Variants in NTRK3 observed in about 807,000 individuals in gnomAD.
NTRK3 encodes the protein neurotrophic receptor tyrosine kinase 3, also known as NT-3 growth factor receptor.
In NTRK3, 24 loss-of-function variants were observed where a neutral mutation model predicts 91.7. That is an observed-to-expected ratio of 0.26 (90% CI 0.19 to 0.37). The LOEUF (loss-of-function observed/expected upper bound fraction) is 0.37, where lower values mean the gene tolerates loss of function less well. Among genes scored for constraint, NTRK3 ranks in the 10% least tolerant of loss-of-function variants. NTRK3 has a pLI of 1.00. For synonymous variants in NTRK3, 483 were observed against 404.0 expected, an observed-to-expected ratio of 1.20 and a Z score of -2.34; for missense variants, 880 against 1,068.9, an observed-to-expected ratio of 0.82 and a Z score of 2.46.
intron 17 of NTRK3, among the ~76,000 whole-genome samples, chr15:87,924,331 A>T (rs907204585): frequency 6.6e-6 from 1 of 152,046 alleles, no homozygotes; most frequent in Non-Finnish European, 1.5e-5. Context: ...GCTTGTTCTA[A>T]ATGATTCCCA....
intron 3 of NTRK3, among the ~76,000 whole-genome samples, chr15:88,223,177 G>A (rs1008981426): frequency 1.3e-5 from 2 of 152,236 alleles, no homozygotes; most frequent in South Asian, 2.1e-4. Context: ...CCCAGCACAC[G>A]GCCCCCAGGG....
intron 13 of NTRK3, among the ~76,000 whole-genome samples, chr15:88,105,995 C>G (rs1567417057): frequency 6.6e-6 from 1 of 152,252 alleles, no homozygotes; most frequent in African/African-American, 2.4e-5. Flanking sequence ...CACCCGTAGT[C>G]ACTGCTTTCC....
intron 17 of NTRK3, among the ~76,000 whole-genome samples, chr15:87,923,840 C>T (rs777592252): frequency 2.2e-4 from 33 of 152,104 alleles, no homozygotes; most frequent in Middle Eastern, 3.4e-3. Flanking sequence ...ATCACAAGAG[C>T]GGGTTTACTA....
chr15:88,094,308 T>C (rs1031085037), intron 13 of NTRK3, among the ~76,000 whole-genome samples: 32 of 147,656 alleles, frequency 2.2e-4, no homozygotes, highest in African/African-American at 8.0e-4. Context: ...CTACTAAAAA[T>C]ACAAAAAAAA....
chr15:87,995,189 C>T (rs904613955), intron 14 of NTRK3, among the ~76,000 whole-genome samples: 61 of 152,174 alleles, frequency 4.0e-4, no homozygotes, highest in Non-Finnish European at 5.4e-4. Flanking sequence ...AGAGCACCTG[C>T]TCAGGTAGAC....
At chr15:88,113,428 G>T (rs2051668177) in intron 13 of NTRK3, among the ~76,000 whole-genome samples, 1 of 146,762 alleles carries the variant, frequency 6.8e-6, no homozygotes, top group African/African-American at 2.6e-5. Flanking sequence ...TGATTCTCCT[G>T]CCTCAGCCTC....
At chr15:88,137,646 C>T (rs537095927) in intron 6 of NTRK3, 85 bp from the exon 7 acceptor site, 21 of 1,429,042 alleles carry the variant, frequency 1.5e-5, no homozygotes, top group Middle Eastern at 1.8e-4. Flanking sequence ...AAGGGGGACC[C>T]GACCTGTTCA....
rs1304871954 is a variant in NTRK3 at position 88,206,068 on chromosome 15, G to C, written c.249-21769C>G. On this transcript the variant is annotated intron_variant, in intron 3 of 18. Coordinates refer to ENST00000394480, the Ensembl canonical transcript of NTRK3. ...TTAAAACTCTCCAGAGGCCGGGCGC[G>C]GTGGCTCACGCCTGTCATCCCAGCA... The C allele has an allele frequency of 1.3e-5, 2 of 152,312 alleles. 1 individual carries two copies. Among genetic ancestry groups the C allele is most frequent in the Admixed American group, 1.3e-4 (2 of 15,280 alleles). The allele number at this position is 152,312 out of a possible 1,614,324, so 9.4% of individuals were successfully genotyped here. A position where few individuals can be genotyped will look rare whatever the true frequency, so the allele number is the denominator to read the frequency against.
chr15:88,106,954 G>T (rs1310002474), intron 13 of NTRK3, among the ~76,000 whole-genome samples: 4 of 150,126 alleles, frequency 2.7e-5, no homozygotes, highest in Non-Finnish European at 5.9e-5. Context: ...AAAAAAAAAA[G>T]TATGGGAATA....
intron 3 of NTRK3, chr15:88,206,019 T>TAGA (rs1483476971): frequency 1.3e-5 from 2 of 152,210 alleles, no homozygotes; most frequent in African/African-American, 4.8e-5. Flanking sequence ...CCACAGCAGC[T>TAGA]AGAGATGCCT....
intron 13 of NTRK3, among the ~76,000 whole-genome samples, chr15:88,047,085 G>A (rs2080283177): frequency 6.6e-6 from 1 of 152,064 alleles, no homozygotes; most frequent in Non-Finnish European, 1.5e-5. Context: ...AGTCACACAG[G>A]GAAAAGCAAT....
intron 3 of NTRK3, among the ~76,000 whole-genome samples, chr15:88,236,955 C>T (rs575608019): frequency 2.0e-4 from 30 of 152,152 alleles, no homozygotes; most frequent in Non-Finnish European, 3.5e-4. Context: ...CACAGGCGTG[C>T]GCATCTGTCA....
Position 88,020,848 on chromosome 15 carries a change from C to G in NTRK3, c.1585+12009G>C, listed in dbSNP as rs866354780. Among the ~76,000 whole-genome samples, 52 of 152,180 alleles carry G rather than the reference C, an allele frequency of 3.4e-4. 1 individual carries two copies. The highest frequency in any genetic ancestry group is 1.0e-4 in the Non-Finnish European group (7 of 68,030). On this transcript the variant is annotated intron_variant, in intron 14 of 18. Transcript: ENST00000394480. ...CAGCTCATTCTCTCAGCCGCTAGAC[C>G]CTGCCTACTCCATGCCAAGACCATT...
chr15:88,062,079 A>C (rs1341600816), intron 13 of NTRK3, among the ~76,000 whole-genome samples: 1 of 152,240 alleles, frequency 6.6e-6, no homozygotes, highest in Non-Finnish European at 1.5e-5. Flanking sequence ...ACATTGTATT[A>C]AGTTTTATAC....
intron 14 of NTRK3, among the ~76,000 whole-genome samples, chr15:87,947,266 G>T (rs146962159): frequency 9.2e-5 from 14 of 152,154 alleles, no homozygotes; most frequent in Non-Finnish European, 2.1e-4. Context: ...ACTTGCCCAA[G>T]ATCCCCTAGC....
chr15:88,032,379 C>T (rs1187144292), intron 14 of NTRK3, among the ~76,000 whole-genome samples: 2 of 152,102 alleles, frequency 1.3e-5, no homozygotes, highest in African/African-American at 2.4e-5. Flanking sequence ...TCAGAAAGTG[C>T]ACACTTCGGG....
chr15:87,984,804 G>T (rs2074597990), intron 14 of NTRK3, among the ~76,000 whole-genome samples: 2 of 152,166 alleles, frequency 1.3e-5, no homozygotes, highest in Admixed American at 1.3e-4. Context: ...ACTGCACAGT[G>T]ATAACCCACT....
intron 17 of NTRK3, among the ~76,000 whole-genome samples, chr15:87,891,976 A>G (rs2065875960): frequency 6.6e-6 from 1 of 152,106 alleles, no homozygotes; most frequent in Non-Finnish European, 1.5e-5. Context: ...AGGCAAGGAT[A>G]GTTTTGAGGG....
chr15:87,910,260 G>A (rs553718362), intron 17 of NTRK3, among the ~76,000 whole-genome samples: 21 of 152,360 alleles, frequency 1.4e-4, no homozygotes, highest in Middle Eastern at 6.8e-3. Context: ...AGGTGTGTGC[G>A]TGGATTCAGG....
Sources: gnomAD v4.1 joint callset for allele counts (sites outside exome capture counted in the v4.1 genomes callset) on GRCh38, gnomAD v4.1.1 for gene constraint, MANE v1.5 for transcripts, NCBI Gene and HGNC (gene_info 2026-07-23, HGNC 2026-07-21) for gene names.